Variants in HLCS observed in about 807,000 individuals in gnomAD.
HLCS encodes the protein holocarboxylase synthetase, also known as biotin--protein ligase.
HLCS carries 53 observed loss-of-function variants against 75.0 expected under a neutral mutation model. That is an observed-to-expected ratio of 0.71 (90% CI 0.57 to 0.89). The LOEUF (loss-of-function observed/expected upper bound fraction) is 0.89. Ranked by LOEUF, HLCS falls within the 40% of genes least tolerant of loss-of-function variation. HLCS has a pLI of 0.00. For missense variants in HLCS, 966 were observed against 1,074.0 expected (o/e 0.90, Z 1.41); for synonymous variants, 431 against 428.6 (o/e 1.01, Z -0.07).
At chr21:36,890,350 G>A (rs1388432681) in intron 6 of HLCS, among the ~76,000 whole-genome samples, 1 of 152,204 alleles carries the variant, frequency 6.6e-6, no homozygotes, top group Non-Finnish European at 1.5e-5. Context: ...TGGAGCCCAG[G>A]ATAAAGGATG....
intron 6 of HLCS, among the ~76,000 whole-genome samples, chr21:36,817,853 A>G (rs1178121030): frequency 6.6e-6 from 1 of 152,262 alleles, no homozygotes; most frequent in Non-Finnish European, 1.5e-5. Flanking sequence ...GATCCTACAC[A>G]TCAAACCCTA....
chr21:36,847,130 T>A (rs1337487091), intron 6 of HLCS, among the ~76,000 whole-genome samples: 1 of 152,250 alleles, frequency 6.6e-6, no homozygotes, highest in Admixed American at 6.5e-5. Flanking sequence ...CTTTCTCTTT[T>A]GTAATCAAAT....
chr21:36,850,711 G>A lies in HLCS; in HGVS notation c.1892+46149C>T, dbSNP rs150085758. ...AGCCACCTCTTAAGATTCTGGGGTC[G>A]GGGGACAAGTCCTGAGTCCAAGGGA... On this transcript the variant is annotated intron_variant, in intron 6 of 10. Coordinates refer to ENST00000674895, the MANE Select transcript of HLCS (RefSeq NM_001352514.2). Among the ~76,000 whole-genome samples the A allele has an allele frequency of 4.1e-3, 618 of 152,298 alleles. 3 individuals are homozygous for A. Among genetic ancestry groups the A allele is most frequent in the African/African-American group, 0.014 (579 of 41,558 alleles).
chr21:36,817,191 C>T (rs996074600), intron 6 of HLCS, among the ~76,000 whole-genome samples: 12 of 152,308 alleles, frequency 7.9e-5, no homozygotes, highest in African/African-American at 2.9e-4. Flanking sequence ...ACATGCAATC[C>T]TTCAATATAA....
chr21:36,973,625 T>C (rs943222290), intron 1 of HLCS: 10 of 152,180 alleles, frequency 6.6e-5, no homozygotes, highest in Non-Finnish European at 1.3e-4. Flanking sequence ...ACCATGCTAT[T>C]TCTACCAATC....
chr21:36,970,656 ACCG>A (rs1486249405), upstream of HLCS, among the ~76,000 whole-genome samples: 1 of 150,182 alleles, frequency 6.7e-6, no homozygotes, highest in African/African-American at 2.4e-5. Context: ...AGCGTGAGCC[ACCG>A]TGCCCAGCCT....
At chr21:36,775,267 C>T (rs1321823536) in intron 6 of HLCS, among the ~76,000 whole-genome samples, 1 of 152,236 alleles carries the variant, frequency 6.6e-6, no homozygotes, top group East Asian at 1.9e-4. Flanking sequence ...TCATGGCTCC[C>T]AAGGAGCCCA....
chr21:36,827,897 T>G (rs1445645818), intron 6 of HLCS, among the ~76,000 whole-genome samples: 2 of 150,326 alleles, frequency 1.3e-5, no homozygotes, highest in African/African-American at 4.9e-5. Flanking sequence ...CACTGCAAGC[T>G]CCACCTCCCG....
intron 6 of HLCS, among the ~76,000 whole-genome samples, chr21:36,821,573 G>A (rs1447592730): frequency 2.0e-5 from 3 of 152,222 alleles, no homozygotes; most frequent in East Asian, 1.9e-4. Flanking sequence ...GCTTTGCTCC[G>A]GCAGTGATCT....
At chr21:36,900,107 AAAAAAAC>A (rs918813687) in intron 5 of HLCS, among the ~76,000 whole-genome samples, 7 of 152,170 alleles carry the variant, frequency 4.6e-5, no homozygotes, top group Admixed American at 2.6e-4. Flanking sequence ...TCAGTCTCGA[AAAAAAAC>A]AAAAAACAAA....
chr21:36,751,704 T>C lies in HLCS; in HGVS notation c.*2542A>G, dbSNP rs1046038242. The C allele has an allele frequency of 6.6e-6, 1 of 152,000 alleles. No homozygotes were observed. The highest frequency in any genetic ancestry group is 1.5e-5 in the Non-Finnish European group (1 of 68,002). 9.4% of individuals were successfully genotyped at this position (152,000 alleles called of 1,614,324 possible). On this transcript the variant is annotated 3_prime_UTR_variant, in exon 11 of 11. Transcript: ENST00000674895. ...CCAGTGCCAGAGAGCACTGCTGGGG[T>C]GGGGGTGGGGACAGGAAGCCCAGTT...
intron 6 of HLCS, among the ~76,000 whole-genome samples, chr21:36,831,098 G>C (rs1040438924): frequency 6.6e-6 from 1 of 152,052 alleles, no homozygotes; most frequent in Non-Finnish European, 1.5e-5. Flanking sequence ...TTTTCGGAGG[G>C]TTTTAAGAAG....
rs532108774 is a variant in HLCS at position 36,754,285 on chromosome 21, G to A, written c.2583C>T (p.Phe861=). Residue 861 remains phenylalanine, a synonymous_variant, in exon 11 of 11, where the codon TTC becomes TTT. Coordinates refer to ENST00000674895, the MANE Select transcript of HLCS (RefSeq NM_001352514.2). Reference sequence around the variant, plus strand: ...GGAGGATGAGGTTTCTCAGCATGTCGAAGGAGTTGCCGTCCGGGTGCACAG... The same window carrying A: ...GGAGGATGAGGTTTCTCAGCATGTCAAAGGAGTTGCCGTCCGGGTGCACAG... The part of the protein sequence containing the change: ...VVTVHPDGNS[F]DMLRNLILPK... The A allele has an allele frequency of 3.1e-4, 505 of 1,614,122 alleles. 5 individuals are homozygous for A. The South Asian group carries it at 4.7e-3, about 15-fold the overall frequency.
intron 2 of HLCS, among the ~76,000 whole-genome samples, chr21:36,946,858 T>C (rs1490254186): frequency 6.6e-6 from 1 of 152,180 alleles, no homozygotes; most frequent in African/African-American, 2.4e-5. Context: ...GCCCACCCAA[T>C]GTTTCAGCAG....
chr21:36,952,835 CAAG>C (rs201051340), intron 2 of HLCS, among the ~76,000 whole-genome samples: 4,745 of 150,064 alleles, frequency 0.032, 106 homozygotes, highest in Non-Finnish European at 0.05. Flanking sequence ...CACCATTCAG[CAAG>C]AAGGTCTTAA....
intron 6 of HLCS, among the ~76,000 whole-genome samples, chr21:36,895,870 C>T (rs2064991524): frequency 6.6e-6 from 1 of 152,008 alleles, no homozygotes; most frequent in Admixed American, 6.6e-5. Context: ...TTATTCCCTC[C>T]CTCTATAACC....
chr21:36,799,010 A>G (rs948805037), intron 6 of HLCS, among the ~76,000 whole-genome samples: 34 of 152,344 alleles, frequency 2.2e-4, no homozygotes, highest in African/African-American at 7.2e-4. Context: ...GTTTTATAAA[A>G]AAAAGAAGTT....
chr21:36,868,871 C>A (rs973736925), intron 6 of HLCS, among the ~76,000 whole-genome samples: 3 of 152,132 alleles, frequency 2.0e-5, no homozygotes, highest in African/African-American at 7.2e-5. Context: ...GGAGACAGCA[C>A]AGGCTCCAGG....
chr21:36,987,254 T>G (rs2069245238), intron 1 of HLCS, among the ~76,000 whole-genome samples: 1 of 152,132 alleles, frequency 6.6e-6, no homozygotes, highest in African/African-American at 2.4e-5. Flanking sequence ...GAATGCTCAT[T>G]GCTACTTGGG....
Sources: allele counts gnomAD v4.1 joint callset (sites outside exome capture counted in the v4.1 genomes callset), GRCh38; gene constraint gnomAD v4.1.1; transcripts MANE v1.5; gene names NCBI Gene and HGNC (gene_info 2026-07-23, HGNC 2026-07-21).